The following PDK3 variants were observed in gnomAD, a reference collection of about 807,000 sequenced individuals.
PDK3 encodes the protein pyruvate dehydrogenase kinase 3.
PDK3 carries 12 observed loss-of-function variants against 32.0 expected under a neutral mutation model. The observed-to-expected ratio is 0.37, with a 90% CI of 0.24 to 0.61. The LOEUF (loss-of-function observed/expected upper bound fraction) is 0.61, where lower values mean the gene tolerates loss of function less well. Ranked by LOEUF, PDK3 falls within the 20% of genes least tolerant of loss-of-function variation. The pLI is 0.65. For synonymous variants in PDK3, 122 were observed against 116.3 expected, an observed-to-expected ratio of 1.05 and a Z score of -0.31; for missense variants, 188 against 316.9, an observed-to-expected ratio of 0.59 and a Z score of 3.09.
chrX:24,490,005 C>T (rs1015463912), intron 1 of PDK3, among the ~76,000 whole-genome samples: 3 of 111,785 alleles, frequency 2.7e-5, no homozygotes, highest in African/African-American at 9.8e-5. Context: ...GCTGACCAAG[C>T]AGTAACTGAC....
rs770106014 is a variant in PDK3, at chrX:24,525,813, C to T, written c.674-385C>T. Among the ~76,000 whole-genome samples, 5 of 112,462 alleles carry T rather than the reference C, an allele frequency of 4.4e-5. No individual in the cohort carries two copies. The South Asian group carries it at 1.5e-3, about 33-fold the overall frequency. On this transcript the variant is annotated intron_variant, in intron 6 of 10. Coordinates refer to ENST00000379162, the MANE Select transcript of PDK3 (RefSeq NM_005391.5). ...CTTTTTTTTCCTGTTGCTCCACATTCTCCCGTGGAATTCCCCCTGGGGTCA... is the reference window on the plus strand; with the variant it reads ...CTTTTTTTTCCTGTTGCTCCACATTTTCCCGTGGAATTCCCCCTGGGGTCA...
intron 8 of PDK3, among the ~76,000 whole-genome samples, 182 bp downstream of exon 8, chrX:24,527,857 T>C (rs1339875452): frequency 9.0e-6 from 1 of 111,690 alleles, no homozygotes; most frequent in African/African-American, 3.3e-5. Flanking sequence ...ATTCAGGGAG[T>C]TGAACAAGAC....
At chrX:24,497,833 C>T (rs770935176) in intron 2 of PDK3, among the ~76,000 whole-genome samples, 103 of 111,817 alleles carry the variant, frequency 9.2e-4, no homozygotes, top group African/African-American at 3.2e-3. Context: ...ATGTTAAAAC[C>T]CCAAATAGAG....
At position 24,494,369 on chromosome X, in the gene PDK3, C is replaced by T. The variant is rs377125124; in HGVS notation, c.107-373C>T. 9.8e-5 allele frequency among the ~76,000 whole-genome samples: 11 copies of T among 112,006 alleles called. No individual in the cohort carries two copies. In the East Asian group the frequency reaches 1.7e-3, roughly 17 times the overall value. On this transcript the variant is annotated intron_variant, in intron 1 of 10. Coordinates refer to ENST00000379162, the MANE Select transcript of PDK3 (RefSeq NM_005391.5). ...AATGGATCCGTTGCCTCCTGGAAAG[C>T]CCTATGAATGGGAGTGGATTTACAC...
intron 5 of PDK3, 25 bp downstream of exon 5, chrX:24,505,323 C>T (rs764683222): frequency 1.0e-5 from 11 of 1,088,118 alleles, no homozygotes; most frequent in African/African-American, 3.7e-5. Context: ...GTAATGGTAT[C>T]GATCGTAGTT....
At chrX:24,507,031 G>C (rs1212667578) in intron 5 of PDK3, among the ~76,000 whole-genome samples, 2 of 109,725 alleles carry the variant, frequency 1.8e-5, no homozygotes, top group Non-Finnish European at 3.8e-5. Flanking sequence ...GGATGGTCTC[G>C]AACTCCTGAC....
intron 5 of PDK3, among the ~76,000 whole-genome samples, 171 bp downstream of exon 5, chrX:24,505,469 G>A (rs1225207343): frequency 8.9e-6 from 1 of 111,770 alleles, no homozygotes; most frequent in African/African-American, 3.3e-5. Flanking sequence ...GTTCAGGTAG[G>A]CAGTTCTTTC....
chrX:24,492,536 C>T (rs1158310082), intron 1 of PDK3, among the ~76,000 whole-genome samples: 1 of 111,181 alleles, frequency 9.0e-6, no homozygotes, highest in Non-Finnish European at 1.9e-5. Flanking sequence ...TTGCAGTAAG[C>T]GGAGATCATG....
chrX:24,521,380 C>T (rs1922393847), intron 6 of PDK3, among the ~76,000 whole-genome samples: 1 of 109,890 alleles, frequency 9.1e-6, no homozygotes, highest in South Asian at 3.9e-4. Context: ...GGAGTTCAGG[C>T]TGCTGTTGAA....
chrX:24,497,273 C>G (rs1311721631), intron 2 of PDK3, among the ~76,000 whole-genome samples: 1 of 110,973 alleles, frequency 9.0e-6, no homozygotes, highest in Non-Finnish European at 1.9e-5. Context: ...TGCCCAGAGA[C>G]TTTTATTTAT....
intron 1 of PDK3, among the ~76,000 whole-genome samples, chrX:24,483,562 C>A (rs1330332310): frequency 8.9e-6 from 1 of 112,007 alleles, no homozygotes; most frequent in African/African-American, 3.2e-5. Flanking sequence ...GATTGAATAC[C>A]CTTAAACAAA....
intron 5 of PDK3, among the ~76,000 whole-genome samples, chrX:24,510,608 T>TCTA (rs2148194524): frequency 8.9e-6 from 1 of 112,105 alleles, no homozygotes; most frequent in South Asian, 3.7e-4. Context: ...ATTTTTGAAT[T>TCTA]TCTCTATCTC....
rs186126328 is a variant in PDK3, at chrX:24,499,270, A to T, written c.320+370A>T. On this transcript the variant is annotated intron_variant, in intron 3 of 10. Transcript: ENST00000379162. ...TCAATCCTTTACAATTAAAAAAAAA[A>T]TTTCAATAGGATATTACATTTGAGC... 4.5e-5 allele frequency among the ~76,000 whole-genome samples: 5 copies of T among 111,308 alleles called. No homozygotes were observed. In the East Asian group the frequency reaches 1.1e-3, roughly 25 times the overall value.
chrX:24,493,670 C>T (rs1921630081), intron 1 of PDK3, among the ~76,000 whole-genome samples: 1 of 112,096 alleles, frequency 8.9e-6, no homozygotes, highest in Non-Finnish European at 1.9e-5. Context: ...TTGTCCAACA[C>T]TTGCTCCGTG....
chrX:24,530,654 G>T (rs1390352023), intron 9 of PDK3, among the ~76,000 whole-genome samples: 1 of 110,793 alleles, frequency 9.0e-6, no homozygotes, highest in Non-Finnish European at 1.9e-5. Context: ...AGGAAGCTTG[G>T]TGTTACATCT....
chrX:24,518,485 AAAAC>A (rs1315336844), intron 5 of PDK3, among the ~76,000 whole-genome samples: 1 of 111,545 alleles, frequency 9.0e-6, no homozygotes, highest in Non-Finnish European at 1.9e-5. Context: ...TCTGTCTCAA[AAAAC>A]AAACAAACGA....
chrX:24,523,110 G>A (rs1922437252), intron 6 of PDK3, among the ~76,000 whole-genome samples: 1 of 110,964 alleles, frequency 9.0e-6, no homozygotes, highest in African/African-American at 3.3e-5. Context: ...CAAGATCATG[G>A]TTCCTGGAGA....
chrX:24,486,314 A>T (rs778817004), intron 1 of PDK3, among the ~76,000 whole-genome samples: 2 of 111,546 alleles, frequency 1.8e-5, no homozygotes, highest in East Asian at 5.7e-4. Flanking sequence ...AGCTGCTCAG[A>T]TGGGCAGTCC....
chrX:24,536,560 C>G (rs944349819), downstream of PDK3, among the ~76,000 whole-genome samples: 2 of 111,676 alleles, frequency 1.8e-5, no homozygotes, highest in African/African-American at 6.5e-5. Flanking sequence ...ATGTTAAAAG[C>G]CACCTTAAAT....
Sources: gnomAD v4.1 joint callset for allele counts (sites outside exome capture counted in the v4.1 genomes callset) on GRCh38, gnomAD v4.1.1 for gene constraint, MANE v1.5 for transcripts, NCBI Gene and HGNC (gene_info 2026-07-23, HGNC 2026-07-21) for gene names.